RCAN2: variants seen among roughly 807,000 people sequenced by gnomAD.
The protein encoded by RCAN2 is calcipressin-2.
A neutral mutation model predicts 23.6 loss-of-function variants in RCAN2; 9 were observed. That is an observed-to-expected ratio of 0.38 (90% confidence interval 0.23 to 0.67). The LOEUF is 0.67. RCAN2 is among the 30% of genes least tolerant of loss of function. RCAN2 has a pLI of 0.51. For missense variants in RCAN2, 273 were observed against 302.3 expected (o/e 0.90, Z 0.72); for synonymous variants, 109 against 115.7 (o/e 0.94, Z 0.37).
At chr6:46,483,316 A>ACCTGGAGCTGACCCTTCCAAATCAGT in intron 1 of RCAN2, among the ~76,000 whole-genome samples, 1 of 152,222 alleles carries the variant, frequency 6.6e-6, no homozygotes, top group African/African-American at 2.4e-5. Context: ...TCTCACCTCC[A>ACCTGGAGCTGACCCTTCCAAATCAGT]CCTGGAGCTG....
intron 2 of RCAN2, among the ~76,000 whole-genome samples, chr6:46,257,736 G>A (rs867710341): frequency 5.3e-5 from 8 of 152,156 alleles, no homozygotes; most frequent in African/African-American, 1.9e-4. Context: ...GGGTGGGGAC[G>A]AGGAGCCAAA....
chr6:46,356,838 A>G (rs1447177363), intron 2 of RCAN2, among the ~76,000 whole-genome samples: 1 of 152,240 alleles, frequency 6.6e-6, no homozygotes, highest in African/African-American at 2.4e-5. Flanking sequence ...GCCCTGTCAG[A>G]TGAACATTAT....
chr6:46,368,872 T>C (rs1378770777), intron 2 of RCAN2, among the ~76,000 whole-genome samples: 1 of 152,172 alleles, frequency 6.6e-6, no homozygotes, highest in East Asian at 1.9e-4. Context: ...ACTAAATGTA[T>C]TTTAAAATAT....
At chr6:46,403,113 C>T (rs929880746) in intron 2 of RCAN2, among the ~76,000 whole-genome samples, 6 of 151,950 alleles carry the variant, frequency 3.9e-5, no homozygotes, top group East Asian at 3.9e-4. Flanking sequence ...TACAGGCGCC[C>T]GCCACCACAC....
chr6:46,314,406 T>C (rs1039176164), intron 2 of RCAN2, among the ~76,000 whole-genome samples: 2 of 146,548 alleles, frequency 1.4e-5, no homozygotes, highest in Non-Finnish European at 3.0e-5. Flanking sequence ...ACAAAAAAGA[T>C]GTTTACTAGT....
chr6:46,426,886 C>T (rs1240251104), intron 2 of RCAN2, among the ~76,000 whole-genome samples: 1 of 152,134 alleles, frequency 6.6e-6, no homozygotes. Flanking sequence ...CTCTGGCAGA[C>T]TTTTAGCAAG....
chr6:46,234,813 T>C (rs1022173115), intron 4 of RCAN2, among the ~76,000 whole-genome samples: 2 of 152,230 alleles, frequency 1.3e-5, no homozygotes, highest in African/African-American at 2.4e-5. Flanking sequence ...CAAAGTTCTG[T>C]CTCGTCTTTT....
intron 2 of RCAN2, among the ~76,000 whole-genome samples, chr6:46,310,496 G>A (rs749717930): frequency 3.3e-5 from 5 of 151,494 alleles, no homozygotes; most frequent in Non-Finnish European, 7.4e-5. Context: ...GCAGTGTCCC[G>A]GCTTAACACT....
At chr6:46,480,858 G>A (rs940247734) in intron 1 of RCAN2, among the ~76,000 whole-genome samples, 6 of 152,144 alleles carry the variant, frequency 3.9e-5, no homozygotes, top group Non-Finnish European at 5.9e-5. Context: ...TCCTGACCTC[G>A]TGATACGCCC....
chr6:46,411,822 C>G (rs146087999), intron 2 of RCAN2, among the ~76,000 whole-genome samples: 46 of 152,172 alleles, frequency 3.0e-4, no homozygotes, highest in African/African-American at 1.0e-3. Flanking sequence ...AAATTATGTG[C>G]AGAAATGTAA....
intron 2 of RCAN2, among the ~76,000 whole-genome samples, chr6:46,314,924 G>A (rs148128645): frequency 6.6e-6 from 1 of 152,260 alleles, no homozygotes; most frequent in African/African-American, 2.4e-5. Flanking sequence ...AGCTGGGCAT[G>A]GTGGTGTGTA....
intron 2 of RCAN2, among the ~76,000 whole-genome samples, chr6:46,338,812 A>G (rs1764217357): frequency 6.6e-6 from 1 of 152,028 alleles, no homozygotes; most frequent in South Asian, 2.1e-4. Context: ...CAGGAGTTTG[A>G]GGCCAGTCTG....
intron 2 of RCAN2, among the ~76,000 whole-genome samples, chr6:46,348,260 C>T (rs1764546940): frequency 6.6e-6 from 1 of 152,078 alleles, no homozygotes; most frequent in Admixed American, 6.5e-5. Flanking sequence ...GAAAAATATC[C>T]ACATTCAAGG....
At chr6:46,267,589 G>A (rs1767380882) in intron 2 of RCAN2, among the ~76,000 whole-genome samples, 1 of 152,150 alleles carries the variant, frequency 6.6e-6, no homozygotes, top group Non-Finnish European at 1.5e-5. Flanking sequence ...GGAGCCTGAG[G>A]TGGGAGGATC....
chr6:46,350,885 GGA>G (rs1383667741), intron 2 of RCAN2, among the ~76,000 whole-genome samples: 1 of 152,116 alleles, frequency 6.6e-6, no homozygotes, highest in African/African-American at 2.4e-5. Context: ...AGTCTGGCCT[GGA>G]GCCCACCCAC....
At chr6:46,405,431 C>CAGTG (rs1274121982) in intron 2 of RCAN2, among the ~76,000 whole-genome samples, 1 of 152,098 alleles carries the variant, frequency 6.6e-6, no homozygotes, top group African/African-American at 2.4e-5. Flanking sequence ...TGGTAGAGCC[C>CAGTG]AGTGGCCTGT....
chr6:46,474,684 G>A (rs570489204), intron 1 of RCAN2, among the ~76,000 whole-genome samples: 3 of 152,242 alleles, frequency 2.0e-5, no homozygotes, highest in African/African-American at 2.4e-5. Flanking sequence ...GAAATCCTTT[G>A]GAATCATTGC....
chr6:46,461,329 T>C (rs371884446), intron 1 of RCAN2, among the ~76,000 whole-genome samples: 5 of 152,344 alleles, frequency 3.3e-5, no homozygotes, highest in East Asian at 3.9e-4. Flanking sequence ...AGTGTATGAA[T>C]CTGTCATAAT....
At chr6:46,237,772 C>G (rs1480941390) in intron 4 of RCAN2, among the ~76,000 whole-genome samples, 1 of 152,196 alleles carries the variant, frequency 6.6e-6, no homozygotes, top group Non-Finnish European at 1.5e-5. Context: ...TGCGCTTCTA[C>G]TTTGCTCTTG....
Sources: allele counts gnomAD v4.1 joint callset (sites outside exome capture counted in the v4.1 genomes callset), GRCh38; gene constraint gnomAD v4.1.1; transcripts MANE v1.5; gene names NCBI Gene and HGNC (gene_info 2026-07-23, HGNC 2026-07-21).